Variants in SPATA20 observed in about 807,000 individuals in gnomAD.
SPATA20 encodes the protein spermatogenesis-associated protein 20.
A neutral mutation model predicts 98.9 loss-of-function variants in SPATA20; 74 were observed. The ratio of observed to expected loss-of-function variants is 0.75; its 90% CI spans 0.62 to 0.91. The LOEUF (loss-of-function observed/expected upper bound fraction) is 0.91, where lower values mean the gene tolerates loss of function less well. SPATA20 is among the 40% of genes least tolerant of loss of function. The pLI is 0.00. For synonymous variants in SPATA20, 430 were observed against 440.5 expected (o/e 0.98, Z 0.30); for missense variants, 1,016 against 1,069.8 (o/e 0.95, Z 0.70).
At position 50,550,547 on chromosome 17, in the gene SPATA20, T is replaced by A. The variant is rs1597870518; in HGVS notation, c.1110T>A (p.Asp370Glu). The A allele has an allele frequency of 1.9e-6, 3 of 1,614,110 alleles. No homozygotes were observed. Among genetic ancestry groups the A allele is most frequent in the Non-Finnish European group, 2.5e-6 (3 of 1,179,986 alleles). Reference protein sequence around the residue: ...AYSQAFQLSGDEFYSDVAKGI... With the variant: ...AYSQAFQLSGEEFYSDVAKGI... ...CTTCCCTTTCTTAGCTCTCTGGTGA[T>A]GAATTCTACTCTGACGTGGCCAAAG... is the stretch of plus-strand genomic sequence containing the variant. The change falls in exon 10 of 17, where the codon GAT becomes GAA. Residue 370 changes from aspartate (D) to glutamate (E), a missense_variant. Coordinates refer to ENST00000006658, the MANE Select transcript of SPATA20 (RefSeq NM_022827.4).
At chr17:50,548,014 G>T in intron 2 of SPATA20, 1 of 1,474,748 alleles carries the variant, frequency 6.8e-7, no homozygotes, top group South Asian at 1.4e-5. Context: ...GACCCGCCCT[G>T]ACCTCACAGC....
chr17:50,552,183 C>A lies in SPATA20; in HGVS notation c.1957+3C>A. The A allele has an allele frequency of 6.2e-7, 1 of 1,613,040 alleles. No individual in the cohort carries two copies. Among genetic ancestry groups the A allele is most frequent in the South Asian group, 1.1e-5 (1 of 90,956 alleles). ...CCTGCCCCTGCGTCTGAAGGACGGTCAGTGGGGGTGCAGGGCTAGTCTGGG... is the reference window on the plus strand; with the variant it reads ...CCTGCCCCTGCGTCTGAAGGACGGTAAGTGGGGGTGCAGGGCTAGTCTGGG... On this transcript the variant is annotated splice_donor_region_variant and intron_variant, in intron 14 of 16. Coordinates refer to ENST00000006658, the MANE Select transcript of SPATA20 (RefSeq NM_022827.4).
rs1316918428 is a variant in SPATA20, at chr17:50,548,895, C to T, written c.447C>T (p.Asp149=). ...AGATTGGCCGCCTGCTCAGTGAGGA[C>T]TTTGTGAGTGTGAAGGTAGACCGTG... ...NEEIGRLLSE[D]FVSVKVDREE... The change falls in exon 5 of 17, where the codon GAC becomes GAT. Residue 149 remains aspartate (D), a synonymous_variant. Transcript: ENST00000006658. 6.2e-7 allele frequency: 1 copy of T among 1,614,138 alleles called. No individual in the cohort carries two copies. Among genetic ancestry groups the T allele is most frequent in the Non-Finnish European group, 8.5e-7 (1 of 1,179,998 alleles).
rs146938885 is a variant in SPATA20, at chr17:50,550,099, G to A, written c.977G>A (p.Arg326Gln). ...AAAATGATGGCTAACGGGGGCATCCGGGACCATGTGGGGCAGGTGACGGGC... is the reference window on the plus strand; with the variant it reads ...AAAATGATGGCTAACGGGGGCATCCAGGACCATGTGGGGCAGGTGACGGGC... Reference protein sequence around the residue: ...TLKMMANGGIRDHVGQGFHRY... With the variant: ...TLKMMANGGIQDHVGQGFHRY... Residue 326 changes from arginine (R) to glutamine (Q), a missense_variant, in exon 8 of 17, where the codon CGG (arginine) becomes CAG (glutamine). Physicochemically the swap from Arg to Gln is conservative, Grantham distance 43 (BLOSUM62 1). Coordinates refer to ENST00000006658, the MANE Select transcript of SPATA20 (RefSeq NM_022827.4). 886 of 1,612,776 alleles carry A rather than the reference G, an allele frequency of 5.5e-4. 4 individuals are homozygous for A. The African/African-American group carries it at 9.8e-3, about 18-fold the overall frequency.
At chr17:50,551,744 A>G in intron 13 of SPATA20, 65 bp downstream of exon 13, 4 of 1,511,272 alleles carry the variant, frequency 2.6e-6, no homozygotes, top group Non-Finnish European at 1.8e-6. Context: ...CCTCTGCCCT[A>G]CTTCTCCCCT....
chr17:50,551,286 A>G, intron 12 of SPATA20, 96 bp downstream of exon 12: 1 of 1,253,116 alleles, frequency 8.0e-7, no homozygotes, highest in Non-Finnish European at 1.1e-6. Flanking sequence ...CTCTCCCTTG[A>G]TTAGCGTTAT....
In SPATA20 at chr17:50,551,544, C is replaced by T; in HGVS notation, c.1610C>T (p.Ala537Val). 1 of 1,600,772 alleles carries T rather than the reference C, an allele frequency of 6.2e-7. No individual in the cohort carries two copies. The highest frequency in any genetic ancestry group is 8.6e-7 in the Non-Finnish European group (1 of 1,168,928). Residue 537 changes from alanine to valine, a missense_variant, in exon 13 of 17, where the codon GCT (alanine) becomes GTT (valine). Ala to Val is a moderately conservative substitution (Grantham distance 64, BLOSUM62 0). Transcript: ENST00000006658. ...LMVSGYAVTG[A>V]VLGQDRLINY... ...GTGTCAGGCTATGCTGTGACTGGGG[C>T]TGTCCTGGGCCAAGACAGGCTGATC...
In SPATA20 at chr17:50,555,747, T is replaced by C; in HGVS notation, c.*85T>C. Reference sequence around the variant, plus strand: ...AGGCCCTGCAGGGCCCTATAGAACCTGTGGCCATCCCTGAGCACCCTGCCA... The same window carrying C: ...AGGCCCTGCAGGGCCCTATAGAACCCGTGGCCATCCCTGAGCACCCTGCCA... On this transcript the variant is annotated 3_prime_UTR_variant, in exon 17 of 17. Transcript: ENST00000006658. 2 of 1,289,924 alleles carry C rather than the reference T, an allele frequency of 1.6e-6. No individual in the cohort carries two copies. The highest frequency in any genetic ancestry group is 2.1e-6 in the Non-Finnish European group (2 of 940,188). The allele number at this position is 1,289,924 out of a possible 1,614,324, so 79.9% of individuals were successfully genotyped here.
At chr17:50,548,241 G>A (rs2034946871) in intron 2 of SPATA20, 42 bp from the exon 3 acceptor site, 2 of 1,600,734 alleles carry the variant, frequency 1.2e-6, no homozygotes, top group African/African-American at 1.3e-5. Flanking sequence ...GGAGAAGGTG[G>A]GTGGAGGCCC....
At chr17:50,554,219 A>AC (rs777296021) in intron 14 of SPATA20, 32 bp from the exon 15 acceptor site, 1 of 1,606,102 alleles carries the variant, frequency 6.2e-7, no homozygotes, top group South Asian at 1.1e-5. Context: ...ACCTGCCCTT[A>AC]CCCCCACCCC....
Position 50,551,497 on chromosome 17 carries a change from T to C in SPATA20, c.1577-14T>C, listed in dbSNP as rs2035014724. 6.3e-7 allele frequency: 1 copy of C among 1,586,510 alleles called. No homozygotes were observed. The highest frequency in any genetic ancestry group is 1.7e-5 in the Admixed American group (1 of 59,462). On this transcript the variant is annotated splice_polypyrimidine_tract_variant and intron_variant, in intron 12 of 16. Coordinates refer to ENST00000006658, the MANE Select transcript of SPATA20 (RefSeq NM_022827.4). ...GGCCAGCTTCTTACCACTACTTGTC[T>C]CTCCTGGCTCCAGGCTTGATGGTGT...
At position 50,548,876 on chromosome 17, in the gene SPATA20, G is replaced by A. The variant is rs2034960027; in HGVS notation, c.428G>A (p.Gly143Asp). 4 of 1,614,040 alleles carry A rather than the reference G, an allele frequency of 2.5e-6. No individual in the cohort carries two copies. Among genetic ancestry groups the A allele is most frequent in the Non-Finnish European group, 3.4e-6 (4 of 1,180,024 alleles). ...GAGTCCTTCCAGAATGAGGAGATTG[G>A]CCGCCTGCTCAGTGAGGACTTTGTG... ...EEESFQNEEI[G>D]RLLSEDFVSV... is the part of the protein sequence containing the mutation. Residue 143 changes from glycine (G) to aspartate (D), a missense_variant, in exon 5 of 17, where the codon GGC becomes GAC. Physicochemically the swap from Gly to Asp is moderately conservative, Grantham distance 94. Coordinates refer to ENST00000006658, the MANE Select transcript of SPATA20 (RefSeq NM_022827.4).
At position 50,551,142 on chromosome 17, in the gene SPATA20, C is replaced by A; in HGVS notation, c.1528C>A (p.His510Asn). The A allele has an allele frequency of 6.3e-7, 1 of 1,598,298 alleles. No individual in the cohort carries two copies. The highest frequency in any genetic ancestry group is 8.5e-7 in the Non-Finnish European group (1 of 1,174,162). The part of the protein sequence containing the change: ...GLEKLFQARK[H>N]RPKPHLDSKM... ...GGAGAAGCTCTTCCAGGCCCGGAAG[C>A]ATCGGCCCAAGCCGCACCTGGACAG... Residue 510 changes from histidine (H) to asparagine (N), a missense_variant, in exon 12 of 17, where the codon CAT (histidine) becomes AAT (asparagine). Physicochemically the swap from His to Asn is moderately conservative, Grantham distance 68. Transcript: ENST00000006658.
At chr17:50,548,695 GC>G (rs2034956479) in intron 4 of SPATA20, 77 bp downstream of exon 4, 1 of 1,589,822 alleles carries the variant, frequency 6.3e-7, no homozygotes, top group Non-Finnish European at 8.6e-7. Flanking sequence ...TCTCGGCCTG[GC>G]GGGTCTTCCA....
rs201031011 is a variant in SPATA20 at position 50,550,626 on chromosome 17, G to A, written c.1173+16G>A. 2.5e-4 allele frequency: 409 copies of A among 1,613,870 alleles called. 1 individual carries two copies. Among genetic ancestry groups the A allele is most frequent in the Non-Finnish European group, 3.3e-4 (395 of 1,179,914 alleles). Reference sequence around the variant, plus strand: ...GAGCCACCGGGTGTGTGTCCATGGTGGCAGGCAGGCCTGGCTGTGGGAGGG... The same window carrying A: ...GAGCCACCGGGTGTGTGTCCATGGTAGCAGGCAGGCCTGGCTGTGGGAGGG... On this transcript the variant is annotated intron_variant, in intron 10 of 16. Transcript: ENST00000006658.
rs967349977 is a variant in SPATA20, at chr17:50,547,249, T to C, written c.41T>C (p.Leu14Pro). The change falls in exon 1 of 17, where the codon CTG becomes CCG. Residue 14 changes from leucine (L) to proline (P), a missense_variant. By Grantham distance (98) the Leu-to-Pro change is moderately conservative. Transcript: ENST00000006658. ...GCCTGGTTGGGCCGCGTCCTTCTGC[T>C]GCCCCGCGCCGGTGCAGGCCTCGCC... ...ARAWLGRVLL[L>P]PRAGAGLAAS... 1.4e-6 allele frequency: 2 copies of C among 1,398,002 alleles called. No homozygotes were observed. The highest frequency in any genetic ancestry group is 1.5e-5 in the African/African-American group (1 of 65,594). 86.6% of individuals were successfully genotyped at this position (1,398,002 alleles called of 1,614,324 possible).
chr17:50,548,569 G>C lies in SPATA20; in HGVS notation c.312G>C (p.Gln104His). Residue 104 changes from glutamine to histidine, a missense_variant, in exon 4 of 17, where the codon CAG (glutamine) becomes CAC (histidine). Transcript: ENST00000006658. ...CTGGGTCTAGGTACCCCTGGGGACA[G>C]GAAGCCTTCGACAAGGCCAGGAAGG... ...YNPVDWYPWG[Q>H]EAFDKARKEN... 1 of 1,613,680 alleles carries C rather than the reference G, an allele frequency of 6.2e-7. No homozygotes were observed. Among genetic ancestry groups the C allele is most frequent in the Non-Finnish European group, 8.5e-7 (1 of 1,179,880 alleles).
chr17:50,549,586 C>T (rs1051320714), intron 7 of SPATA20, 99 bp downstream of exon 7: 1 of 1,259,506 alleles, frequency 7.9e-7, no homozygotes, highest in South Asian at 1.4e-5. Context: ...AGCTTCCTGT[C>T]CTCCTGACTG....
chr17:50,547,834 C>G, intron 2 of SPATA20, 67 bp downstream of exon 2: 1 of 891,786 alleles, frequency 1.1e-6, no homozygotes, highest in Non-Finnish European at 1.9e-6. Context: ...GGTCGAGTCC[C>G]AGACCCTACT....
Sources: allele counts gnomAD v4.1 joint callset, GRCh38; gene constraint gnomAD v4.1.1; transcripts MANE v1.5; gene names NCBI Gene and HGNC (gene_info 2026-07-23, HGNC 2026-07-21).